The following IL3RA variants were observed in gnomAD, a reference collection of about 807,000 sequenced individuals.
IL3RA encodes interleukin 3 receptor subunit alpha.
A neutral mutation model predicts 52.3 loss-of-function variants in IL3RA; 73 were observed. That is an observed-to-expected ratio of 1.40 (90% CI 1.16 to 1.70). The LOEUF (loss-of-function observed/expected upper bound fraction) is 1.70, where lower values mean the gene tolerates loss of function less well. Ranked by LOEUF, IL3RA falls within the 40% of genes most tolerant of loss-of-function variation. The probability of loss-of-function intolerance (pLI) is 0.00; values close to 1 mark genes in which losing one functional copy is unlikely to be tolerated. For synonymous variants in IL3RA, 260 were observed against 194.0 expected, an observed-to-expected ratio of 1.34 and a Z score of -2.83; for missense variants, 664 against 504.4, an observed-to-expected ratio of 1.32 and a Z score of -3.03.
rs770566983 is a variant in IL3RA, at chrX:1,345,433, C to A, written c.182C>A (p.Pro61Gln). ...GTTAAAGACGCCGACTATTCTATGC[C>A]GGTAAATCATACTCTCTATTGTTTT... is the stretch of plus-strand genomic sequence containing the variant. The part of the protein sequence containing the change: ...ECVKDADYSM[P>Q]AVNNSYCQFG... Residue 61 changes from proline to glutamine, a missense_variant and splice_region_variant, in exon 3 of 12, where the codon CCG (proline) becomes CAG (glutamine). By Grantham distance (76) the Pro-to-Gln change is moderately conservative. Transcript: ENST00000331035. The A allele has an allele frequency of 1.9e-5, 30 of 1,555,730 alleles. No homozygotes were observed. The highest frequency in any genetic ancestry group is 3.4e-5 in the Admixed American group (2 of 58,438).
chrX:1,345,339 C>G lies in IL3RA; in HGVS notation c.88C>G (p.Leu30Val). ...AGATCCAAACCCACCAATCACGAACCTAAGGATGAAAGCAAAGGCTCAGCA... is the reference window on the plus strand; with the variant it reads ...AGATCCAAACCCACCAATCACGAACGTAAGGATGAAAGCAAAGGCTCAGCA... ...KEDPNPPITN[L>V]RMKAKAQQLT... The change falls in exon 3 of 12, where the codon CTA (leucine) becomes GTA (valine). Residue 30 changes from leucine (L) to valine (V), a missense_variant. Physicochemically the swap from Leu to Val is conservative, Grantham distance 32. Coordinates refer to ENST00000331035, the MANE Select transcript of IL3RA (RefSeq NM_002183.4). 1.9e-6 allele frequency: 3 copies of G among 1,610,890 alleles called. No individual in the cohort carries two copies. Among genetic ancestry groups the G allele is most frequent in the East Asian group, 2.2e-5 (1 of 44,854 alleles).
At chrX:1,341,548 G>A (rs774189467) in intron 1 of IL3RA, among the ~76,000 whole-genome samples, 180 bp from the exon 2 acceptor site, 130,762 of 151,364 alleles carry the variant, frequency 0.86, 56,714 homozygotes, top group Non-Finnish European at 0.94. Flanking sequence ...ACTCTGATGT[G>A]CATGCATGTG....
chrX:1,354,110 C>T (rs1448940656), intron 6 of IL3RA, among the ~76,000 whole-genome samples: 1 of 151,198 alleles, frequency 6.6e-6, no homozygotes, highest in Non-Finnish European at 1.5e-5. Context: ...CATCATGGGT[C>T]ATGGGTCCCA....
At chrX:1,351,977 C>T in intron 4 of IL3RA, 123 bp from the exon 5 acceptor site, 1 of 1,212,858 alleles carries the variant, frequency 8.2e-7, no homozygotes, top group Non-Finnish European at 1.1e-6. Flanking sequence ...GTTGGCCAGG[C>T]TGGTCTCGAA....
intron 4 of IL3RA, 89 bp downstream of exon 4, chrX:1,348,634 TTTTCTTTTTCTC>T (rs2085889697): frequency 1.3e-6 from 1 of 757,746 alleles, no homozygotes; most frequent in South Asian, 1.7e-5. Flanking sequence ...GTCTTTTTTC[TTTTCTTTTTCTC>T]TTTCTTTCTT....
chrX:1,349,258 T>G (rs1394686447), intron 4 of IL3RA, among the ~76,000 whole-genome samples: 1 of 150,978 alleles, frequency 6.6e-6, no homozygotes, highest in Non-Finnish European at 1.5e-5. Context: ...CTCGGCTCAC[T>G]GCAACCTCTG....
chrX:1,340,350 G>A (rs1469940354), intron 1 of IL3RA, among the ~76,000 whole-genome samples: 3 of 152,016 alleles, frequency 2.0e-5, no homozygotes, highest in Admixed American at 6.6e-5. Context: ...TCCTGACCTC[G>A]GGCAATCTGC....
chrX:1,356,392 G>T (rs1405048061), intron 7 of IL3RA, 56 bp downstream of exon 7: 2 of 1,012,374 alleles, frequency 2.0e-6, no homozygotes, highest in Non-Finnish European at 2.9e-6. Flanking sequence ...CCTTATTTTT[G>T]GTAAGTCGCA....
chrX:1,352,194 C>T lies in IL3RA; in HGVS notation c.393C>T (p.Pro131=), dbSNP rs751241700. The change falls in exon 5 of 12, where the codon CCC becomes CCT. Residue 131 remains proline, a synonymous_variant. Transcript: ENST00000331035. Reference sequence around the variant, plus strand: ...GCTGGGCGGTAGGCCCGGGGGCCCCCGCGGACGTCCAGTACGACCTGTACT... The same window carrying T: ...GCTGGGCGGTAGGCCCGGGGGCCCCTGCGGACGTCCAGTACGACCTGTACT... ...SCSWAVGPGA[P]ADVQYDLYLN... is the part of the protein sequence containing the mutation. 19 of 1,613,640 alleles carry T rather than the reference C, an allele frequency of 1.2e-5. No homozygotes were observed. The East Asian group carries it at 1.6e-4, about 13-fold the overall frequency.
Position 1,345,403 on chromosome X carries a change from AGTGT to A in IL3RA, c.155_158del (p.Cys52LeufsTer11), listed in dbSNP as rs1189820280. 2 of 1,608,186 alleles carry A rather than the reference AGTGT, an allele frequency of 1.2e-6. No homozygotes were observed. The highest frequency in any genetic ancestry group is 8.5e-7 in the Non-Finnish European group (1 of 1,176,338). ...CTTAACAGAAATGTGACCGATATCG[AGTGT>A]GTTAAAGACGCCGACTATTCTATGC... is the stretch of plus-strand genomic sequence containing the variant. On this transcript the variant is annotated frameshift_variant, in exon 3 of 12. Transcript: ENST00000331035. LOFTEE classifies it high-confidence loss of function.
chrX:1,358,892 G>A lies in IL3RA; in HGVS notation c.759+5G>A, dbSNP rs182697959. ...CAGCCTGTAATCACAGAACAGGTGAGTGTTCCCTACCCCCAGCCGCTGTAC... is the reference window on the plus strand; with the variant it reads ...CAGCCTGTAATCACAGAACAGGTGAATGTTCCCTACCCCCAGCCGCTGTAC... On this transcript the variant is annotated splice_donor_5th_base_variant and intron_variant, in intron 8 of 11. Coordinates refer to ENST00000331035, the MANE Select transcript of IL3RA (RefSeq NM_002183.4). 428 of 1,611,584 alleles carry A rather than the reference G, an allele frequency of 2.7e-4. No individual in the cohort carries two copies. The highest frequency in any genetic ancestry group is 3.5e-4 in the Non-Finnish European group (410 of 1,178,722).
Position 1,348,506 on chromosome X carries a change from AACCCAC to A in IL3RA, c.260_265del (p.Asn87_Pro89delinsThr). ...GACCAACTACACCGTCCGAGTGGCC[AACCCAC>A]CATTCTCCACGTGGATCCTCTTCCC... On this transcript the variant is annotated inframe_deletion, in exon 4 of 12. Transcript: ENST00000331035. The A allele has an allele frequency of 8.7e-6, 14 of 1,613,920 alleles. No individual in the cohort carries two copies. The highest frequency in any genetic ancestry group is 1.2e-5 in the Non-Finnish European group (14 of 1,179,840).
intron 8 of IL3RA, among the ~76,000 whole-genome samples, chrX:1,364,201 T>A (rs1462275826): frequency 8.3e-6 from 1 of 120,218 alleles, no homozygotes; most frequent in South Asian, 2.6e-4. Context: ...AAAAAAAAAA[T>A]TTTTTTTTGG....
intron 1 of IL3RA, among the ~76,000 whole-genome samples, chrX:1,337,222 C>G (rs1276699985): frequency 6.6e-6 from 1 of 152,214 alleles, no homozygotes; most frequent in East Asian, 1.9e-4. Flanking sequence ...TTTGACAGTG[C>G]TTTCTGCTTT....
At chrX:1,338,176 A>G (rs1287087179) in intron 1 of IL3RA, among the ~76,000 whole-genome samples, 5 of 151,170 alleles carry the variant, frequency 3.3e-5, no homozygotes, top group Non-Finnish European at 5.9e-5. Context: ...GGAATATTAC[A>G]CAGCCATGAA....
chrX:1,341,822 G>A lies in IL3RA; in HGVS notation c.57G>A (p.Thr19=), dbSNP rs779974164. The A allele has an allele frequency of 8.7e-6, 14 of 1,613,794 alleles. No homozygotes were observed. Among genetic ancestry groups the A allele is most frequent in the East Asian group, 6.7e-5 (3 of 44,894 alleles). Residue 19 remains threonine (T), a synonymous_variant, in exon 2 of 12, where the codon ACG becomes ACA. Transcript: ENST00000331035. ...LLIALPCLLQ[T]KEDPNPPITN... ...TCGCCCTGCCCTGTCTCCTGCAAAC[G>A]AAGGAAGGTAAGAACTGGAGAAAAA...
intron 7 of IL3RA, among the ~76,000 whole-genome samples, chrX:1,356,808 G>T (rs1338519377): frequency 5.9e-5 from 9 of 151,688 alleles, no homozygotes; most frequent in African/African-American, 2.2e-4. Flanking sequence ...TATGTGGTCT[G>T]TTGTTTTTTA....
intron 3 of IL3RA, 84 bp from the exon 4 acceptor site, chrX:1,348,347 C>A: frequency 9.2e-7 from 1 of 1,089,818 alleles, no homozygotes; most frequent in Non-Finnish European, 1.4e-6. Flanking sequence ...GAGCGAAACT[C>A]TGCCTCAAAA....
chrX:1,382,508 G>C lies in IL3RA; in HGVS notation c.*43G>C. The C allele has an allele frequency of 1.3e-6, 2 of 1,578,490 alleles. No homozygotes were observed. Among genetic ancestry groups the C allele is most frequent in the Non-Finnish European group, 1.7e-6 (2 of 1,147,726 alleles). On this transcript the variant is annotated 3_prime_UTR_variant, in exon 12 of 12. Transcript: ENST00000331035. ...TGTGGGGGTCTGCCTCAATCTCCCT[G>C]GCCGGGCCAGGCGCCTGCACAGACT...
Sources: allele counts gnomAD v4.1 joint callset (sites outside exome capture counted in the v4.1 genomes callset), GRCh38; gene constraint gnomAD v4.1.1; transcripts MANE v1.5; gene names NCBI Gene and HGNC (gene_info 2026-07-23, HGNC 2026-07-21).